Variants in ZBTB45 observed in about 807,000 individuals in gnomAD.
The protein encoded by ZBTB45 is zinc finger and BTB domain-containing protein 45.
Under a neutral mutation model 28.4 loss-of-function variants are expected in ZBTB45, and 22 were observed. The observed-to-expected ratio is 0.77, with a 90% CI of 0.55 to 1.10. ZBTB45 has a LOEUF of 1.10. Ranked by LOEUF, ZBTB45 falls within the 50% of genes least tolerant of loss-of-function variation. The pLI is 0.00. For missense variants in ZBTB45, 656 were observed against 750.2 expected, an observed-to-expected ratio of 0.87 and a Z score of 1.47; for synonymous variants, 361 against 332.3, an observed-to-expected ratio of 1.09 and a Z score of -0.94.
At chr19:58,519,179 C>T (rs1261223313) in intron 1 of ZBTB45, 5 of 152,478 alleles carry the variant, frequency 3.3e-5, no homozygotes, top group Admixed American at 2.6e-4. Flanking sequence ...TGTTCTGAGC[C>T]TTCTGTGCAA....
chr19:58,532,123 T>C (rs2053638277), intron 1 of ZBTB45, among the ~76,000 whole-genome samples: 1 of 152,088 alleles, frequency 6.6e-6, no homozygotes, highest in Non-Finnish European at 1.5e-5. Flanking sequence ...TGGGTTGAAT[T>C]TGTACAGGTC....
upstream of ZBTB45, among the ~76,000 whole-genome samples, chr19:58,524,187 C>G (rs2053593562): frequency 6.7e-6 from 1 of 150,318 alleles, no homozygotes; most frequent in Admixed American, 6.7e-5. Flanking sequence ...CATGGCAAAA[C>G]CCCGTCTCCA....
intron 1 of ZBTB45, among the ~76,000 whole-genome samples, chr19:58,536,049 CAGGGCCATACCCT>C (rs2053658363): frequency 6.6e-6 from 1 of 151,952 alleles, no homozygotes; most frequent in Non-Finnish European, 1.5e-5. Context: ...CAGAGGTCAG[CAGGGCCATACCCT>C]AGAGTTGTCA....
At chr19:58,535,137 T>C (rs1383519601) in intron 1 of ZBTB45, among the ~76,000 whole-genome samples, 1 of 151,682 alleles carries the variant, frequency 6.6e-6, no homozygotes, top group Non-Finnish European at 1.5e-5. Context: ...TCCCAAAGTG[T>C]TGGGATTACA....
At chr19:58,528,103 ATT>A (rs1287283892) in intron 1 of ZBTB45, among the ~76,000 whole-genome samples, 1 of 152,168 alleles carries the variant, frequency 6.6e-6, no homozygotes, top group Non-Finnish European at 1.5e-5. Flanking sequence ...ATGCAAGGCC[ATT>A]TGTGCCAGCA....
At chr19:58,522,631 G>A (rs976560175), upstream of ZBTB45, among the ~76,000 whole-genome samples, 5 of 152,144 alleles carry the variant, frequency 3.3e-5, no homozygotes, top group Non-Finnish European at 5.9e-5. Flanking sequence ...GTGAAAATCC[G>A]TCTCAGAACA....
In ZBTB45 at chr19:58,514,146, G is replaced by C. The variant is rs765327225; in HGVS notation, c.1444C>G (p.Arg482Gly). 1.2e-6 allele frequency: 2 copies of C among 1,606,912 alleles called. No homozygotes were observed. The highest frequency in any genetic ancestry group is 2.7e-5 in the African/African-American group (2 of 74,758). The change falls in exon 3 of 3, where the codon CGG becomes GGG. Residue 482 changes from arginine to glycine, a missense_variant. Arg to Gly is a moderately radical substitution (Grantham distance 125). Around this residue, in one of 3 missense-constraint regions of ZBTB45, gnomAD observed 103 missense variants for 153.5 expected, o/e 0.67. Transcript: ENST00000594051. ...SSLNVHMRTH[R>G]PERAPCPACG... is the part of the protein sequence containing the mutation. ...GCGGGGCAGGGCGCGCGCTCGGGCCGGTGAGTGCGCATGTGCACGTTGAGC... is the reference window on the plus strand; with the variant it reads ...GCGGGGCAGGGCGCGCGCTCGGGCCCGTGAGTGCGCATGTGCACGTTGAGC...
chr19:58,537,985 G>A (rs1158598217), intron 1 of ZBTB45, among the ~76,000 whole-genome samples: 1 of 151,788 alleles, frequency 6.6e-6, no homozygotes, highest in Non-Finnish European at 1.5e-5. Flanking sequence ...TTACAGGCCC[G>A]TGCCACCACG....
upstream of ZBTB45, among the ~76,000 whole-genome samples, chr19:58,524,698 A>T (rs144581951): frequency 0.012 from 1,817 of 151,992 alleles, 40 homozygotes; most frequent in African/African-American, 0.04. Context: ...CCTGGCTAAC[A>T]CGGTGAAACC....
Position 58,517,282 on chromosome 19 carries a change from G to A in ZBTB45, c.392C>T (p.Ser131Phe). 1 of 1,596,986 alleles carries A rather than the reference G, an allele frequency of 6.3e-7. No individual in the cohort carries two copies. Among genetic ancestry groups the A allele is most frequent in the Non-Finnish European group, 8.5e-7 (1 of 1,174,844 alleles). ...AGGGGTGGGCAGGGGCGTGGGCGCAGAGGTGCCCGGGGCTCGAGCGCGGGC... is the reference window on the plus strand; with the variant it reads ...AGGGGTGGGCAGGGGCGTGGGCGCAAAGGTGCCCGGGGCTCGAGCGCGGGC... ...IIARARAPGT[S>F]APTPLPTPVP... The change falls in exon 2 of 3, where the codon TCT (serine) becomes TTT (phenylalanine). Residue 131 changes from serine (S) to phenylalanine (F), a missense_variant. By Grantham distance (155) the Ser-to-Phe change is radical (BLOSUM62 -2). This residue lies in a region of ZBTB45 where 448 missense variants were observed against 444.3 expected (regional missense o/e 1.01). Coordinates refer to ENST00000594051, the MANE Select transcript of ZBTB45 (RefSeq NM_001316979.2).
At chr19:58,524,433 ATATGTGTGTG>A (rs2053596077), upstream of ZBTB45, among the ~76,000 whole-genome samples, 13 of 111,792 alleles carry the variant, frequency 1.2e-4, no homozygotes, top group East Asian at 2.2e-3. Context: ...GTGTGTTCAT[ATATGTGTGTG>A]TGTGTGTGTG....
At chr19:58,534,327 T>C (rs1385148619) in intron 1 of ZBTB45, among the ~76,000 whole-genome samples, 1 of 152,200 alleles carries the variant, frequency 6.6e-6, no homozygotes, top group Non-Finnish European at 1.5e-5. Context: ...ATGCATGAAA[T>C]GCCACTGAAT....
At chr19:58,520,827 G>T (rs28538543), upstream of ZBTB45, among the ~76,000 whole-genome samples, 2,138 of 152,054 alleles carry the variant, frequency 0.014, 44 homozygotes, top group African/African-American at 0.047. Context: ...AGGCCAAGGC[G>T]GGTGGATCAC....
Position 58,514,068 on chromosome 19 carries a change from G to A in ZBTB45, c.1522C>T (p.His508Tyr), listed in dbSNP as rs776166624. 7 of 1,500,464 alleles carry A rather than the reference G, an allele frequency of 4.7e-6. No individual in the cohort carries two copies. Among genetic ancestry groups the A allele is most frequent in the Non-Finnish European group, 6.2e-6 (7 of 1,130,298 alleles). The allele number at this position is 1,500,464 out of a possible 1,614,324, so 92.9% of individuals were successfully genotyped here. A position where few individuals can be genotyped will look rare whatever the true frequency, so the allele number is the denominator to read the frequency against. Residue 508 changes from histidine (H) to tyrosine (Y), a missense_variant, in exon 3 of 3, where the codon CAC becomes TAC. Around this residue, in one of 3 missense-constraint regions of ZBTB45, gnomAD observed 103 missense variants for 153.5 expected, o/e 0.67. Transcript: ENST00000594051. ...RALLERHLAA[H>Y]PAP is the part of the protein sequence containing the mutation. ...CCCCAGCGCCATCAGGGCGCAGGGTGCGCCGCCAGGTGGCGCTCCAGCAGC... is the reference window on the plus strand; with the variant it reads ...CCCCAGCGCCATCAGGGCGCAGGGTACGCCGCCAGGTGGCGCTCCAGCAGC...
chr19:58,520,755 G>A (rs1193692107), upstream of ZBTB45, among the ~76,000 whole-genome samples: 2 of 152,146 alleles, frequency 1.3e-5, no homozygotes, highest in South Asian at 2.1e-4. Flanking sequence ...ACAACAGCCA[G>A]CAAGAAAACA....
intron 1 of ZBTB45, among the ~76,000 whole-genome samples, chr19:58,535,728 A>G (rs1190148510): frequency 6.6e-6 from 1 of 152,210 alleles, no homozygotes; most frequent in African/African-American, 2.4e-5. Context: ...ATAGATACCA[A>G]ATCTCATGTT....
upstream of ZBTB45, among the ~76,000 whole-genome samples, chr19:58,520,712 A>G (rs771377864): frequency 6.6e-6 from 1 of 152,188 alleles, no homozygotes; most frequent in Non-Finnish European, 1.5e-5. Context: ...GCAACAGGAC[A>G]GGTGTCATGC....
chr19:58,516,608 G>A lies in ZBTB45; in HGVS notation c.1066C>T (p.Pro356Ser), dbSNP rs541393668. The A allele has an allele frequency of 1.2e-4, 191 of 1,560,838 alleles. No individual in the cohort carries two copies. Among genetic ancestry groups the A allele is most frequent in the Admixed American group, 1.7e-4 (9 of 54,084 alleles). ...AGTGTGGGGTAGAAGGCGGGTGGGG[G>A]CGCAGGGGCTGGCCCCGATGGTGCT... Reference protein sequence around the residue: ...PSAPSGPAPAPPPAFYPTLQP... With the variant: ...PSAPSGPAPASPPAFYPTLQP... Residue 356 changes from proline to serine, a missense_variant, in exon 2 of 3, where the codon CCC becomes TCC. Pro to Ser is a moderately conservative substitution (Grantham distance 74, BLOSUM62 -1). This residue lies in a region of ZBTB45 where 448 missense variants were observed against 444.3 expected (regional missense o/e 1.01). Coordinates refer to ENST00000594051, the MANE Select transcript of ZBTB45 (RefSeq NM_001316979.2). The surrounding 1 kb of genome is among the most constrained non-coding windows in gnomAD (Gnocchi z 6.2).
chr19:58,533,855 G>A (rs1239929312), intron 1 of ZBTB45, among the ~76,000 whole-genome samples: 2 of 152,178 alleles, frequency 1.3e-5, no homozygotes, highest in African/African-American at 4.8e-5. Flanking sequence ...TGAGCAGGAG[G>A]GAGAATGCAG....
Sources: allele counts gnomAD v4.1 joint callset (sites outside exome capture counted in the v4.1 genomes callset), GRCh38; gene constraint gnomAD v4.1.1; regional missense constraint gnomAD v4.1.1; non-coding constraint Gnocchi (gnomAD v3.1); transcripts MANE v1.5; gene names NCBI Gene and HGNC (gene_info 2026-07-23, HGNC 2026-07-21).